Variants in RNGTT observed in about 807,000 individuals in gnomAD.
RNGTT encodes the protein RNA guanylyltransferase and 5'-phosphatase.
A neutral mutation model predicts 79.3 loss-of-function variants in RNGTT; 33 were observed. The observed-to-expected ratio is 0.42, with a 90% CI of 0.32 to 0.56. The LOEUF (loss-of-function observed/expected upper bound fraction) is 0.56. Among genes scored for constraint, RNGTT ranks in the 20% least tolerant of loss-of-function variants. The probability of loss-of-function intolerance (pLI) is 0.17; values close to 1 mark genes in which losing one functional copy is unlikely to be tolerated. For missense variants in RNGTT, 497 were observed against 739.1 expected (o/e 0.67, Z 3.80); for synonymous variants, 222 against 235.9 (o/e 0.94, Z 0.54).
chr6:88,916,728 T>C (rs1196108908), intron 4 of RNGTT, among the ~76,000 whole-genome samples: 2 of 152,166 alleles, frequency 1.3e-5, no homozygotes, highest in African/African-American at 4.8e-5. Context: ...TTTAATCTCA[T>C]TTGTATATTA....
intron 11 of RNGTT, among the ~76,000 whole-genome samples, chr6:88,804,775 T>C (rs1779903078): frequency 6.6e-6 from 1 of 152,128 alleles, no homozygotes; most frequent in South Asian, 2.1e-4. Flanking sequence ...AGTATCTTCA[T>C]CATTAGAGCC....
intron 12 of RNGTT, among the ~76,000 whole-genome samples, chr6:88,796,497 C>A (rs1779608003): frequency 6.6e-6 from 1 of 152,006 alleles, no homozygotes; most frequent in African/African-American, 2.4e-5. Context: ...CAAGGACAAC[C>A]CAAAAAGACA....
chr6:88,681,582 A>AT (rs1387288087), intron 13 of RNGTT, among the ~76,000 whole-genome samples: 1 of 152,186 alleles, frequency 6.6e-6, no homozygotes, highest in East Asian at 1.9e-4. Flanking sequence ...TTCAAAAATT[A>AT]TTTTAACAAA....
chr6:88,901,495 C>CTTTTTTTTTTTTTTTTTTTTTTT lies in RNGTT; in HGVS notation c.684+3197_684+3219dup, dbSNP rs71024314. ...AAAAATAACTGTCAAGCACCCTGAT[C>CTTTTTTTTTTTTTTTTTTTTTTT]TTTTTTTTTTTTTTTTTTTTTTTTT... On this transcript the variant is annotated intron_variant, in intron 6 of 15. Coordinates refer to ENST00000369485, the MANE Select transcript of RNGTT (RefSeq NM_003800.5). Among the ~76,000 whole-genome samples the CTTTTTTTTTTTTTTTTTTTTTTT allele has an allele frequency of 1.5e-4, 10 of 65,810 alleles. 2 individuals are homozygous for CTTTTTTTTTTTTTTTTTTTTTTT. Among genetic ancestry groups the CTTTTTTTTTTTTTTTTTTTTTTT allele is most frequent in the Non-Finnish European group, 1.9e-4 (7 of 36,368 alleles). The allele number at this position is 65,810 out of a possible 152,430, so 43.2% of individuals were successfully genotyped here.
In RNGTT at chr6:88,963,434, C is replaced by A. The variant is rs1295161685; in HGVS notation, c.-25G>T. The A allele has an allele frequency of 1.3e-6, 2 of 1,544,566 alleles. No homozygotes were observed. The highest frequency in any genetic ancestry group is 1.8e-6 in the Non-Finnish European group (2 of 1,141,478). ...TGTCTTGGGGCTGCGCAGAGCTGCCCTCCCTCACCAACGTTCACCGCGCCT... is the reference window on the plus strand; with the variant it reads ...TGTCTTGGGGCTGCGCAGAGCTGCCATCCCTCACCAACGTTCACCGCGCCT... On this transcript the variant is annotated 5_prime_UTR_variant, in exon 1 of 16. In the 5' UTR this introduces an upstream ATG that the reference lacks. Coordinates refer to ENST00000369485, the MANE Select transcript of RNGTT (RefSeq NM_003800.5).
At chr6:88,707,414 C>A (rs978620923) in intron 13 of RNGTT, among the ~76,000 whole-genome samples, 4 of 110,894 alleles carry the variant, frequency 3.6e-5, no homozygotes, top group African/African-American at 1.4e-4. Context: ...AGGGGTGGGG[C>A]GGGGGAGGGA....
chr6:88,849,629 C>G (rs933673309), intron 10 of RNGTT, 126 bp downstream of exon 10: 1 of 715,108 alleles, frequency 1.4e-6, no homozygotes, highest in Non-Finnish European at 2.0e-6. Context: ...AAAAAAGATT[C>G]CCAGTGAGTA....
intron 1 of RNGTT, among the ~76,000 whole-genome samples, chr6:88,962,628 G>A (rs1056373935): frequency 5.9e-5 from 9 of 152,080 alleles, no homozygotes; most frequent in African/African-American, 1.9e-4. Flanking sequence ...AAAATTAGCC[G>A]GGTGTGGTGG....
chr6:88,762,141 G>C (rs1436269686), intron 13 of RNGTT, among the ~76,000 whole-genome samples: 1 of 152,158 alleles, frequency 6.6e-6, no homozygotes, highest in Admixed American at 6.5e-5. Context: ...ATGGATTACT[G>C]GCTCAAGTTT....
chr6:88,617,866 T>TA (rs1772290890), intron 14 of RNGTT, among the ~76,000 whole-genome samples: 9 of 134,352 alleles, frequency 6.7e-5, no homozygotes, highest in African/African-American at 2.7e-4. Context: ...CACTGCTTAA[T>TA]TAAAAAAAAA....
chr6:88,668,478 T>G (rs985042624), intron 14 of RNGTT, among the ~76,000 whole-genome samples: 1 of 152,188 alleles, frequency 6.6e-6, no homozygotes, highest in African/African-American at 2.4e-5. Flanking sequence ...TTCAGCTGAT[T>G]TTCCCCACAT....
chr6:88,948,135 A>G (rs1785084371), intron 1 of RNGTT, among the ~76,000 whole-genome samples: 1 of 20,744 alleles, frequency 4.8e-5, no homozygotes, highest in Non-Finnish European at 9.1e-5. Context: ...CTGGGAAGTG[A>G]GGAGCCCCTC....
intron 8 of RNGTT, among the ~76,000 whole-genome samples, chr6:88,883,931 A>C (rs1019650550): frequency 3.3e-5 from 5 of 152,242 alleles, no homozygotes; most frequent in Admixed American, 3.3e-4. Flanking sequence ...GACTCCATTC[A>C]GAATTAAAAC....
chr6:88,908,803 T>G (rs1004251783), intron 4 of RNGTT, among the ~76,000 whole-genome samples: 2 of 152,204 alleles, frequency 1.3e-5, no homozygotes, highest in Non-Finnish European at 2.9e-5. Flanking sequence ...AGGACCATAG[T>G]GTATCTGATC....
At chr6:88,730,684 G>A (rs79543020) in intron 13 of RNGTT, among the ~76,000 whole-genome samples, 2 of 152,294 alleles carry the variant, frequency 1.3e-5, no homozygotes, top group African/African-American at 2.4e-5. Context: ...GGACTGGTAC[G>A]GGTCTGTGGC....
At chr6:88,824,930 A>G (rs1450723737) in intron 11 of RNGTT, among the ~76,000 whole-genome samples, 1 of 151,820 alleles carries the variant, frequency 6.6e-6, no homozygotes, top group African/African-American at 2.4e-5. Flanking sequence ...TTTAGTAAAG[A>G]CGGGGTTTCA....
At chr6:88,643,313 C>T (rs1246503847) in intron 14 of RNGTT, among the ~76,000 whole-genome samples, 1 of 152,034 alleles carries the variant, frequency 6.6e-6, no homozygotes, top group Non-Finnish European at 1.5e-5. Context: ...AGGGAAAGAA[C>T]GATTGTATGG....
chr6:88,780,334 A>C (rs1201654722), intron 12 of RNGTT, among the ~76,000 whole-genome samples: 1 of 152,186 alleles, frequency 6.6e-6, no homozygotes, highest in Admixed American at 6.5e-5. Flanking sequence ...ATCACTACCA[A>C]ATAATCCCTT....
chr6:88,667,731 G>T (rs553727478), intron 14 of RNGTT, among the ~76,000 whole-genome samples: 1 of 152,186 alleles, frequency 6.6e-6, no homozygotes, highest in African/African-American at 2.4e-5. Context: ...TACAGAAGAC[G>T]GCAAAGGTAT....
Sources: gnomAD v4.1 joint callset for allele counts (sites outside exome capture counted in the v4.1 genomes callset) on GRCh38, gnomAD v4.1.1 for gene constraint, MANE v1.5 for transcripts, NCBI Gene and HGNC (gene_info 2026-07-23, HGNC 2026-07-21) for gene names.